The following TNNI1 variants were observed in gnomAD, a reference collection of about 807,000 sequenced individuals.
TNNI1 encodes troponin I1, slow skeletal type, also known as troponin I, slow skeletal muscle.
In TNNI1, 14 loss-of-function variants were observed where a neutral mutation model predicts 26.7. That is an observed-to-expected ratio of 0.52 (90% CI 0.35 to 0.82). TNNI1 has a LOEUF of 0.82. Among genes scored for constraint, TNNI1 ranks in the 40% least tolerant of loss-of-function variants. The pLI is 0.01. For synonymous variants in TNNI1, 79 were observed against 98.2 expected (o/e 0.80, Z 1.16); for missense variants, 164 against 257.0 (o/e 0.64, Z 2.47).
At position 201,406,428 on chromosome 1, in the gene TNNI1, T is replaced by C. The variant is rs1662515892; in HGVS notation, c.*2825A>G. The C allele has an allele frequency of 1.3e-5, 2 of 152,246 alleles. No homozygotes were observed. Among genetic ancestry groups the C allele is most frequent in the South Asian group, 4.1e-4 (2 of 4,828 alleles). 9.4% of individuals were successfully genotyped at this position (152,246 alleles called of 1,614,324 possible). On this transcript the variant is annotated 3_prime_UTR_variant, in exon 9 of 9. Coordinates refer to ENST00000361379, the MANE Select transcript of TNNI1 (RefSeq NM_003281.4). ...CTGGGACCACCACTTATTAGCTGTG[T>C]GATCATGAAAAGTCCCTAACCTCTC...
chr1:201,417,952 A>G lies in TNNI1; in HGVS notation c.-19-140T>C, dbSNP rs1022942745. On this transcript the variant is annotated intron_variant, in intron 1 of 8. Coordinates refer to ENST00000361379, the MANE Select transcript of TNNI1 (RefSeq NM_003281.4). ...AGACACATTGGATTCCAGCAGGTCA[A>G]GATGGGACAGGGTTGCAGGGCAGGG... is the stretch of plus-strand genomic sequence containing the variant. The G allele has an allele frequency of 1.2e-5, 7 of 577,140 alleles. No homozygotes were observed. The East Asian group carries it at 2.1e-4, about 17-fold the overall frequency. 35.8% of individuals were successfully genotyped at this position (577,140 alleles called of 1,614,324 possible). A position where few individuals can be genotyped will look rare whatever the true frequency, so the allele number is the denominator to read the frequency against.
At chr1:201,415,581 C>CG (rs1662720973) in intron 3 of TNNI1, among the ~76,000 whole-genome samples, 2 of 152,258 alleles carry the variant, frequency 1.3e-5, no homozygotes, top group African/African-American at 4.8e-5. Context: ...TAGGACCCCC[C>CG]CCCTTACTTA....
At chr1:201,415,575 AC>A (rs5780068) in intron 3 of TNNI1, among the ~76,000 whole-genome samples, 123,042 of 151,144 alleles carry the variant, frequency 0.81, 50,154 homozygotes, top group Middle Eastern at 0.87. Context: ...GGATATTAGG[AC>A]CCCCCCCCTT....
Position 201,413,084 on chromosome 1 carries a change from A to G in TNNI1, c.227T>C (p.Val76Ala), listed in dbSNP as rs1662665993. The G allele has an allele frequency of 3.7e-6, 6 of 1,613,960 alleles. No homozygotes were observed. The highest frequency in any genetic ancestry group is 4.2e-6 in the Non-Finnish European group (5 of 1,179,942). ...CTCAATGTCGTATCGCTCCTCATCC[A>G]CCACCTCCACCTTGGCGTGCAGCTC... ...CRELHAKVEV[V>A]DEERYDIEAK... is the part of the protein sequence containing the mutation. Residue 76 changes from valine to alanine, a missense_variant, in exon 6 of 9, where the codon GTG (valine) becomes GCG (alanine). Physicochemically the swap from Val to Ala is moderately conservative, Grantham distance 64. This residue lies in a region of TNNI1 where 117 missense variants were observed against 158.7 expected (regional missense o/e 0.74). Transcript: ENST00000361379.
intron 3 of TNNI1, among the ~76,000 whole-genome samples, chr1:201,415,505 G>T (rs1307225966): frequency 6.6e-6 from 1 of 152,124 alleles, no homozygotes; most frequent in South Asian, 2.1e-4. Context: ...CTGAAATCTT[G>T]TAAGATACTA....
At chr1:201,420,110 G>A (rs1177439199) in intron 1 of TNNI1, among the ~76,000 whole-genome samples, 1 of 152,222 alleles carries the variant, frequency 6.6e-6, no homozygotes, top group African/African-American at 2.4e-5. Flanking sequence ...CAGTGATCAT[G>A]CCTCCCTGTC....
In TNNI1 at chr1:201,411,480, C is replaced by T. The variant is rs528390877; in HGVS notation, c.333G>A (p.Pro111=). The T allele has an allele frequency of 1.7e-5, 28 of 1,612,024 alleles. No individual in the cohort carries two copies. Among genetic ancestry groups the T allele is most frequent in the Middle Eastern group, 1.7e-4 (1 of 6,054 alleles). Residue 111 remains proline (P), a synonymous_variant, in exon 7 of 9, where the codon CCG becomes CCA. Coordinates refer to ENST00000361379, the MANE Select transcript of TNNI1 (RefSeq NM_003281.4). The surrounding 1 kb of genome is among the most constrained non-coding windows in gnomAD (Gnocchi z 4.6). ...VMDLRGKFKR[P]PLRRVRVSAD... ...CCGAGACACGGACTCGACGCAGGGGCGGGCGCTTGAACTTCCCACGGAGGT... is the reference window on the plus strand; with the variant it reads ...CCGAGACACGGACTCGACGCAGGGGTGGGCGCTTGAACTTCCCACGGAGGT...
Position 201,407,866 on chromosome 1 carries a change from A to G in TNNI1, c.*1387T>C, listed in dbSNP as rs149062910. The G allele has an allele frequency of 0.036, 5,550 of 152,150 alleles. 273 individuals carry two copies. Among genetic ancestry groups the G allele is most frequent in the Admixed American group, 0.14 (2,190 of 15,272 alleles). 9.4% of individuals were successfully genotyped at this position (152,150 alleles called of 1,614,324 possible). A position where few individuals can be genotyped will look rare whatever the true frequency, so the allele number is the denominator to read the frequency against. ...GAGACCAGCCTGACCAACATGGTGA[A>G]ACCCTGTCTCTACTAAAAATACAAA... On this transcript the variant is annotated 3_prime_UTR_variant, in exon 9 of 9. Coordinates refer to ENST00000361379, the MANE Select transcript of TNNI1 (RefSeq NM_003281.4).
intron 1 of TNNI1, 71 bp from the exon 2 acceptor site, chr1:201,417,883 A>C: frequency 8.7e-7 from 1 of 1,148,554 alleles, no homozygotes. Context: ...GGGCCTTGGG[A>C]GCCCAGCCTA....
Position 201,414,647 on chromosome 1 carries a change from G to A in TNNI1, c.60C>T (p.Ser20=), listed in dbSNP as rs201837726. The A allele has an allele frequency of 2.5e-6, 4 of 1,613,584 alleles. No individual in the cohort carries two copies. Among genetic ancestry groups the A allele is most frequent in the Admixed American group, 3.3e-5 (2 of 60,002 alleles). Residue 20 remains serine, a splice_region_variant and synonymous_variant, in exon 5 of 9, where the codon AGC becomes AGT. Transcript: ENST00000361379. ...ITASRKLLLK[S]LMLAKAKECW... ...ATTCCTTGGCCTTGGCCAGCATCAG[G>A]CTCTGGACAGGACACACCTGCTGAG...
chr1:201,420,428 T>C (rs1368688393), intron 1 of TNNI1, among the ~76,000 whole-genome samples: 1 of 150,778 alleles, frequency 6.6e-6, no homozygotes, highest in Non-Finnish European at 1.5e-5. Flanking sequence ...GAGAAAATCC[T>C]CCCCCCGAGG....
intron 1 of TNNI1, among the ~76,000 whole-genome samples, chr1:201,420,451 A>G (rs1178154157): frequency 2.0e-5 from 3 of 152,244 alleles, no homozygotes; most frequent in African/African-American, 7.2e-5. Flanking sequence ...GGGAGCAAAG[A>G]GTCTCTGGTG....
At position 201,404,266 on chromosome 1, in the gene TNNI1, T is replaced by C. The variant is rs966358228; in HGVS notation, c.*4987A>G. ...TTTCTCGGACAGGACAGAGTGGAGA[T>C]CCAGGGGGATCCCCAGCCCCAACCA... On this transcript the variant is annotated 3_prime_UTR_variant, in exon 9 of 9. Transcript: ENST00000361379. The C allele has an allele frequency of 4.4e-4, 67 of 151,978 alleles. 1 individual carries two copies. The highest frequency in any genetic ancestry group is 4.0e-3 in the Admixed American group (61 of 15,256). 9.4% of individuals were successfully genotyped at this position (151,978 alleles called of 1,614,324 possible). A position where few individuals can be genotyped will look rare whatever the true frequency, so the allele number is the denominator to read the frequency against.
rs1433718357 is a variant in TNNI1, at chr1:201,410,186, C to T, written c.*2+140G>A. On this transcript the variant is annotated intron_variant, in intron 8 of 8. Coordinates refer to ENST00000361379, the MANE Select transcript of TNNI1 (RefSeq NM_003281.4). ...GAGCCAGGACTGAGCCCAGGAGAGC[C>T]GACTCAAATCAGTCTCATCGGTGCC... 1.5e-5 allele frequency: 10 copies of T among 676,746 alleles called. No individual in the cohort carries two copies. The Admixed American group carries it at 1.6e-4, about 10-fold the overall frequency. 41.9% of individuals were successfully genotyped at this position (676,746 alleles called of 1,614,324 possible).
chr1:201,410,248 C>A (rs1662608102), intron 8 of TNNI1, 78 bp downstream of exon 8: 6 of 1,311,618 alleles, frequency 4.6e-6, no homozygotes, highest in African/African-American at 2.9e-5. Flanking sequence ...TAAGTACAAC[C>A]CGCCTGCCCA....
chr1:201,413,086 C>T lies in TNNI1; in HGVS notation c.225G>A (p.Val75=), dbSNP rs1662666029. ...CAATGTCGTATCGCTCCTCATCCAC[C>T]ACCTCCACCTTGGCGTGCAGCTCCC... ...LCRELHAKVE[V]VDEERYDIEA... The change falls in exon 6 of 9, where the codon GTG becomes GTA. Residue 75 remains valine, a synonymous_variant. Coordinates refer to ENST00000361379, the MANE Select transcript of TNNI1 (RefSeq NM_003281.4). 1 of 1,614,134 alleles carries T rather than the reference C, an allele frequency of 6.2e-7. No homozygotes were observed. The highest frequency in any genetic ancestry group is 1.7e-5 in the Admixed American group (1 of 60,034).
chr1:201,411,615 G>T lies in TNNI1; in HGVS notation c.280-82C>A. 7.3e-7 allele frequency: 1 copy of T among 1,368,566 alleles called. No individual in the cohort carries two copies. 84.8% of individuals were successfully genotyped at this position (1,368,566 alleles called of 1,614,324 possible). Reference sequence around the variant, plus strand: ...TTCCTGAGGACCTCAGACTGCTAGGGTTCCAGCCAGAGATACACCTTAAAT... The same window carrying T: ...TTCCTGAGGACCTCAGACTGCTAGGTTTCCAGCCAGAGATACACCTTAAAT... On this transcript the variant is annotated intron_variant, in intron 6 of 8. Coordinates refer to ENST00000361379, the MANE Select transcript of TNNI1 (RefSeq NM_003281.4). This position sits in a 1 kb window ranked among gnomAD's most constrained non-coding sequence, Gnocchi z 4.6.
chr1:201,415,207 C>T lies in TNNI1; in HGVS notation c.57+6G>A. ...GCATCCCCCCACAGCCAGCCCCCAG[C>T]CTCACCTTCAGCAAGAGTTTGCGGG... On this transcript the variant is annotated splice_donor_region_variant and intron_variant, in intron 4 of 8. Transcript: ENST00000361379. 2 of 1,613,862 alleles carry T rather than the reference C, an allele frequency of 1.2e-6. No individual in the cohort carries two copies. Among genetic ancestry groups the T allele is most frequent in the Non-Finnish European group, 1.7e-6 (2 of 1,179,938 alleles).
At position 201,404,326 on chromosome 1, in the gene TNNI1, T is replaced by G. The variant is rs1044807017; in HGVS notation, c.*4927A>C. 6.6e-6 allele frequency: 1 copy of G among 152,222 alleles called. No individual in the cohort carries two copies. Among genetic ancestry groups the G allele is most frequent in the Non-Finnish European group, 1.5e-5 (1 of 68,052 alleles). 9.4% of individuals were successfully genotyped at this position (152,222 alleles called of 1,614,324 possible). On this transcript the variant is annotated 3_prime_UTR_variant, in exon 9 of 9. Coordinates refer to ENST00000361379, the MANE Select transcript of TNNI1 (RefSeq NM_003281.4). ...AGGTCACATCCTGATATTTCAGTTC[T>G]GTTCCCATTCATGTGTCTCAGCTGA...
Sources: allele counts gnomAD v4.1 joint callset (sites outside exome capture counted in the v4.1 genomes callset), GRCh38; gene constraint gnomAD v4.1.1; regional missense constraint gnomAD v4.1.1; non-coding constraint Gnocchi (gnomAD v3.1); transcripts MANE v1.5; gene names NCBI Gene and HGNC (gene_info 2026-07-23, HGNC 2026-07-21).